SZT2: variants seen among roughly 807,000 people sequenced by gnomAD.
SZT2 encodes SZT2 subunit of KICSTOR complex.
SZT2 carries 216 observed loss-of-function variants against 404.2 expected under a neutral mutation model. That is an observed-to-expected ratio of 0.53 (90% CI 0.48 to 0.60). The LOEUF is 0.60. Among genes scored for constraint, SZT2 ranks in the 20% least tolerant of loss-of-function variants. SZT2 has a pLI of 0.00. For synonymous variants in SZT2, 1,693 were observed against 1,749.9 expected, an observed-to-expected ratio of 0.97 and a Z score of 0.81; for missense variants, 3,857 against 4,459.2, an observed-to-expected ratio of 0.86 and a Z score of 3.85.
At position 43,447,028 on chromosome 1, in the gene SZT2, T is replaced by G; in HGVS notation, c.9146T>G (p.Phe3049Cys). 2 of 1,613,986 alleles carry G rather than the reference T, an allele frequency of 1.2e-6. No individual in the cohort carries two copies. The highest frequency in any genetic ancestry group is 1.7e-6 in the Non-Finnish European group (2 of 1,180,032). The change falls in exon 66 of 72, where the codon TTC becomes TGC. Residue 3049 changes from phenylalanine to cysteine, a missense_variant. By Grantham distance (205) the Phe-to-Cys change is radical. This residue lies in a region of SZT2 where 717 missense variants were observed against 868.2 expected (regional missense o/e 0.83). Transcript: ENST00000634258. The stretch of plus-strand genomic sequence containing the variant: ...CACGTGCACTCGTTCAGCTATGACT[T>G]CCATCTGCGCCTCGTGCATCAGCAC... ...LMHVHSFSYD[F>C]HLRLVHQHVL...
In SZT2 at chr1:43,448,406, G is replaced by T. The variant is rs1570744288; in HGVS notation, c.9891G>T (p.Gly3297=). The T allele has an allele frequency of 1.9e-6, 3 of 1,582,212 alleles. No homozygotes were observed. The highest frequency in any genetic ancestry group is 2.6e-6 in the Non-Finnish European group (3 of 1,164,146). The change falls in exon 69 of 72, where the codon GGG becomes GGT. Residue 3297 remains glycine, a synonymous_variant. Transcript: ENST00000634258. The surrounding 1 kb of genome is among the most constrained non-coding windows in gnomAD (Gnocchi z 4.2). ...PPGPDRLRLG[G]RLALAELEEL... is the part of the protein sequence containing the mutation. ...GGCCTGATCGACTGCGGCTAGGGGGGCGCCTGGCCCTGGCAGAGCTGGAGG... is the reference window on the plus strand; with the variant it reads ...GGCCTGATCGACTGCGGCTAGGGGGTCGCCTGGCCCTGGCAGAGCTGGAGG...
At chr1:43,395,834 A>G (rs1260341808) in intron 1 of SZT2, among the ~76,000 whole-genome samples, 2 of 152,230 alleles carry the variant, frequency 1.3e-5, no homozygotes, top group African/African-American at 4.8e-5. Context: ...ATGCATGCTT[A>G]CCTTGCCTTT....
Position 43,419,882 on chromosome 1 carries a change from G to C in SZT2, c.1028G>C (p.Arg343Pro), listed in dbSNP as rs1302507808. 5.6e-6 allele frequency: 9 copies of C among 1,598,276 alleles called. No individual in the cohort carries two copies. In the South Asian group the frequency reaches 8.8e-5, roughly 16 times the overall value. ...PGNLGLTVYH[R>P]AFLLYSFLRS... is the part of the protein sequence containing the mutation. The stretch of plus-strand genomic sequence containing the variant: ...AACCTGGGTCTGACTGTCTACCACC[G>C]GGCATTTCTCCTCTATTCCTTCCTG... The change falls in exon 8 of 72, where the codon CGG (arginine) becomes CCG (proline). Residue 343 changes from arginine (R) to proline (P), a missense_variant. Physicochemically the swap from Arg to Pro is moderately radical, Grantham distance 103. Around this residue, in one of 7 missense-constraint regions of SZT2, gnomAD observed 536 missense variants for 637.4 expected, o/e 0.84. Transcript: ENST00000634258.
intron 67 of SZT2, 48 bp from the exon 68 acceptor site, chr1:43,447,796 GTTTGT>G (rs1463011804): frequency 6.2e-6 from 10 of 1,612,102 alleles, no homozygotes; most frequent in Non-Finnish European, 6.8e-6. Flanking sequence ...CAGGGGTGAG[GTTTGT>G]TTTATTAGAA....
In SZT2 at chr1:43,447,875, G is replaced by T; in HGVS notation, c.9467G>T (p.Gly3156Val). The T allele has an allele frequency of 6.2e-7, 1 of 1,614,114 alleles. No individual in the cohort carries two copies. The highest frequency in any genetic ancestry group is 8.5e-7 in the Non-Finnish European group (1 of 1,180,014). The change falls in exon 68 of 72, where the codon GGA becomes GTA. Residue 3156 changes from glycine to valine, a missense_variant. By Grantham distance (109) the Gly-to-Val change is moderately radical. Around this residue, in one of 7 missense-constraint regions of SZT2, gnomAD observed 717 missense variants for 868.2 expected, o/e 0.83. Transcript: ENST00000634258. ...HSSGSYLDSE[G>V]LRHQDDFDVS... Reference sequence around the variant, plus strand: ...TCTGGCTCCTACCTGGACTCTGAGGGACTTCGACACCAGGATGACTTTGAT... The same window carrying T: ...TCTGGCTCCTACCTGGACTCTGAGGTACTTCGACACCAGGATGACTTTGAT...
Position 43,451,568 on chromosome 1 carries a change from TG to T in SZT2, c.*1092del. On this transcript the variant is annotated 3_prime_UTR_variant, in exon 72 of 72. Transcript: ENST00000634258. Reference sequence around the variant, plus strand: ...CCCTGGGGACAGATGTGGACAAATGTGGGGTCCAGGCTCCTGCCAGGGCCTG... The same window carrying T: ...CCCTGGGGACAGATGTGGACAAATGTGGGTCCAGGCTCCTGCCAGGGCCTG... The T allele has an allele frequency of 6.2e-7, 1 of 1,613,180 alleles. No homozygotes were observed. The highest frequency in any genetic ancestry group is 8.5e-7 in the Non-Finnish European group (1 of 1,179,470).
chr1:43,453,186 GT>G lies in SZT2; in HGVS notation c.*2707del. 4.6e-6 allele frequency: 3 copies of G among 647,750 alleles called. No individual in the cohort carries two copies. The highest frequency in any genetic ancestry group is 8.3e-6 in the Non-Finnish European group (3 of 363,184). The allele number at this position is 647,750 out of a possible 1,614,324, so 40.1% of individuals were successfully genotyped here. On this transcript the variant is annotated 3_prime_UTR_variant, in exon 72 of 72. Coordinates refer to ENST00000634258, the MANE Select transcript of SZT2 (RefSeq NM_001365999.1). ...TCCCAGCATGGGATCCCAGCATGGG[GT>G]GAGCATGAAAGAGTGGCAAACAGAG...
intron 66 of SZT2, among the ~76,000 whole-genome samples, 182 bp downstream of exon 66, chr1:43,447,350 A>T (rs1655800713): frequency 6.6e-6 from 1 of 152,170 alleles, no homozygotes; most frequent in South Asian, 2.1e-4. Flanking sequence ...TTTGGACCCC[A>T]TGTCACATGT....
At chr1:43,438,067 C>T in intron 46 of SZT2, 165 bp downstream of exon 46, 1 of 664,082 alleles carries the variant, frequency 1.5e-6, no homozygotes. Flanking sequence ...AGGCTCCAGA[C>T]CCTCTGGGAC....
intron 29 of SZT2, 33 bp downstream of exon 29, chr1:43,429,877 T>TA (rs781229035): frequency 5.6e-6 from 9 of 1,613,516 alleles, no homozygotes; most frequent in South Asian, 5.5e-5. Flanking sequence ...GAAGAGGTGT[T>TA]AGAGTCCTGC....
rs1490483882 is a variant in SZT2 at position 43,433,125 on chromosome 1, C to T, written c.5739C>T (p.Cys1913=). 6.2e-7 allele frequency: 1 copy of T among 1,614,158 alleles called. No individual in the cohort carries two copies. Among genetic ancestry groups the T allele is most frequent in the Admixed American group, 1.7e-5 (1 of 60,026 alleles). The change falls in exon 40 of 72, where the codon TGC becomes TGT. Residue 1913 remains cysteine (C), a synonymous_variant. Coordinates refer to ENST00000634258, the MANE Select transcript of SZT2 (RefSeq NM_001365999.1). ...QPSLSGLPGP[C]LPDFWLIVRV... is the part of the protein sequence containing the mutation. ...CACTCTCAGGCCTCCCTGGGCCCTG[C>T]CTGCCTGACTTCTGGCTCATTGTCC...
At chr1:43,432,637 C>T (rs1654035683) in intron 38 of SZT2, 33 bp downstream of exon 38, 1 of 1,613,084 alleles carries the variant, frequency 6.2e-7, no homozygotes, top group Admixed American at 1.7e-5. Flanking sequence ...GTCTGGAGGC[C>T]AGGACCAGAT....
Position 43,453,936 on chromosome 1 carries a change from G to GT in SZT2, c.*3457dup. On this transcript the variant is annotated 3_prime_UTR_variant, in exon 72 of 72. Coordinates refer to ENST00000634258, the MANE Select transcript of SZT2 (RefSeq NM_001365999.1). ...TTCGTGGTTAGAAAAGCGAAGTGCTGTAAAAACCCGGGCCTTCACGAAAAG... is the reference window on the plus strand; with the variant it reads ...TTCGTGGTTAGAAAAGCGAAGTGCTGTTAAAAACCCGGGCCTTCACGAAAAG... 2 of 1,203,460 alleles carry GT rather than the reference G, an allele frequency of 1.7e-6. No individual in the cohort carries two copies. Among genetic ancestry groups the GT allele is most frequent in the Non-Finnish European group, 2.1e-6 (2 of 969,912 alleles). 74.5% of individuals were successfully genotyped at this position (1,203,460 alleles called of 1,614,324 possible).
chr1:43,437,295 A>G lies in SZT2; in HGVS notation c.6159A>G (p.Lys2053=). Reference sequence around the variant, plus strand: ...TGATCCGAGTCCATTCACGCCTCAAAATGGGGCCCAGCATGGGGGTCTCTC... The same window carrying G: ...TGATCCGAGTCCATTCACGCCTCAAGATGGGGCCCAGCATGGGGGTCTCTC... ...GTVIRVHSRL[K]MGPSMGVSRA... The change falls in exon 43 of 72, where the codon AAA becomes AAG. Residue 2053 remains lysine (K), a synonymous_variant. Coordinates refer to ENST00000634258, the MANE Select transcript of SZT2 (RefSeq NM_001365999.1). The surrounding 1 kb of genome is among the most constrained non-coding windows in gnomAD (Gnocchi z 5.3). 1 of 1,614,004 alleles carries G rather than the reference A, an allele frequency of 6.2e-7. No individual in the cohort carries two copies. The highest frequency in any genetic ancestry group is 1.1e-5 in the South Asian group (1 of 91,038).
chr1:43,453,675 G>T lies in SZT2; in HGVS notation c.*3195G>T, dbSNP rs1656714055. ...CAGCGCCTCAGGCGTCTCCGCGTAC[G>T]GCCAGGCCACCTCGACGGCCTCGAA... is the stretch of plus-strand genomic sequence containing the variant. On this transcript the variant is annotated 3_prime_UTR_variant, in exon 72 of 72. Transcript: ENST00000634258. The T allele has an allele frequency of 6.8e-7, 1 of 1,470,758 alleles. No individual in the cohort carries two copies. 91.1% of individuals were successfully genotyped at this position (1,470,758 alleles called of 1,614,324 possible). A position where few individuals can be genotyped will look rare whatever the true frequency, so the allele number is the denominator to read the frequency against.
chr1:43,391,749 C>G (rs1480769910), intron 1 of SZT2, among the ~76,000 whole-genome samples: 2 of 152,006 alleles, frequency 1.3e-5, no homozygotes, highest in Admixed American at 6.6e-5. Context: ...CTAAAGCAAG[C>G]CACATGTGTA....
intron 42 of SZT2, 84 bp downstream of exon 42, chr1:43,435,413 A>G: frequency 1.3e-6 from 2 of 1,488,536 alleles, no homozygotes; most frequent in Non-Finnish European, 1.8e-6. Context: ...AGCTGAGGGC[A>G]GAGTCCTCAT....
At chr1:43,406,309 G>A in intron 4 of SZT2, 1 of 258,860 alleles carries the variant, frequency 3.9e-6, no homozygotes, top group South Asian at 3.1e-5. Context: ...TGTTGGCCAG[G>A]CTGCCCTCGA....
In SZT2 at chr1:43,431,847, T is replaced by A; in HGVS notation, c.5220T>A (p.Thr1740=). ...SPGRSTCLRQ[T]LPLSFVFGPE... is the part of the protein sequence containing the mutation. ...GACGCTCCACCTGCCTTCGCCAAAC[T>A]CTGCCACTGAGTTTTGTATTTGGGC... The change falls in exon 36 of 72, where the codon ACT becomes ACA. Residue 1740 remains threonine (T), a synonymous_variant. Coordinates refer to ENST00000634258, the MANE Select transcript of SZT2 (RefSeq NM_001365999.1). 1 of 1,614,226 alleles carries A rather than the reference T, an allele frequency of 6.2e-7. No individual in the cohort carries two copies. The highest frequency in any genetic ancestry group is 8.5e-7 in the Non-Finnish European group (1 of 1,180,034).
Sources: gnomAD v4.1 joint callset for allele counts (sites outside exome capture counted in the v4.1 genomes callset) on GRCh38, gnomAD v4.1.1 for gene constraint, gnomAD v4.1.1 regional missense constraint, Gnocchi (gnomAD v3.1) non-coding constraint, MANE v1.5 for transcripts, NCBI Gene and HGNC (gene_info 2026-07-23, HGNC 2026-07-21) for gene names.